The following LAMA3 variants were observed in gnomAD, a reference collection of about 807,000 sequenced individuals.
LAMA3 encodes laminin subunit alpha-3.
LAMA3 carries 281 observed loss-of-function variants against 402.0 expected under a neutral mutation model. The observed-to-expected ratio is 0.70, with a 90% CI of 0.63 to 0.77. LAMA3 has a LOEUF of 0.77. Ranked by LOEUF, LAMA3 falls within the 30% of genes least tolerant of loss-of-function variation. The pLI is 0.00. For missense variants in LAMA3, 3,840 were observed against 4,215.5 expected (o/e 0.91, Z 2.47); for synonymous variants, 1,431 against 1,558.4 (o/e 0.92, Z 1.93).
chr18:23,880,501 C>A (rs1266894990), intron 39 of LAMA3, among the ~76,000 whole-genome samples: 2 of 152,182 alleles, frequency 1.3e-5, no homozygotes, highest in African/African-American at 2.4e-5. Context: ...GAAGGGCAAC[C>A]TTTTTCATTA....
intron 66 of LAMA3, among the ~76,000 whole-genome samples, chr18:23,932,856 A>C (rs2082204977): frequency 6.6e-6 from 1 of 152,210 alleles, no homozygotes; most frequent in South Asian, 2.1e-4. Context: ...TGGAATTCTC[A>C]GGCTACCATG....
chr18:23,902,133 G>C (rs146731808), intron 48 of LAMA3, among the ~76,000 whole-genome samples: 41 of 152,262 alleles, frequency 2.7e-4, no homozygotes, highest in South Asian at 1.0e-3. Context: ...GACCAGCCTC[G>C]GCAATGTAGT....
Position 23,876,267 on chromosome 18 carries a change from T to C in LAMA3, c.4999-27T>C, listed in dbSNP as rs372578526. 24 of 1,443,756 alleles carry C rather than the reference T, an allele frequency of 1.7e-5. No individual in the cohort carries two copies. The African/African-American group carries it at 2.7e-4, about 16-fold the overall frequency. The allele number at this position is 1,443,756 out of a possible 1,614,324, so 89.4% of individuals were successfully genotyped here. On this transcript the variant is annotated intron_variant, in intron 38 of 74. Transcript: ENST00000313654. ...TAGTAATTGTTTTCTTTCTTTGTAT[T>C]GATTAAACACTTTGTTTGAAAAATA...
chr18:23,820,230 G>A (rs2063258865), intron 19 of LAMA3, among the ~76,000 whole-genome samples: 1 of 152,110 alleles, frequency 6.6e-6, no homozygotes, highest in East Asian at 1.9e-4. Context: ...ACTTTAATTT[G>A]ATTACCAAAT....
At chr18:23,781,894 C>G (rs2062445228) in intron 11 of LAMA3, among the ~76,000 whole-genome samples, 1 of 152,220 alleles carries the variant, frequency 6.6e-6, no homozygotes, top group Non-Finnish European at 1.5e-5. Flanking sequence ...TAAATCCCTT[C>G]ACTTCCAATG....
intron 32 of LAMA3, among the ~76,000 whole-genome samples, chr18:23,853,985 A>T (rs1351292040): frequency 6.6e-6 from 1 of 152,234 alleles, no homozygotes; most frequent in Non-Finnish European, 1.5e-5. Flanking sequence ...TAAACATTGC[A>T]GTACTCAAGA....
intron 1 of LAMA3, among the ~76,000 whole-genome samples, chr18:23,692,460 C>T (rs953678637): frequency 4.6e-5 from 7 of 152,018 alleles, no homozygotes; most frequent in South Asian, 4.2e-4. Context: ...TTAGTAGAGA[C>T]GGGGTTTCAC....
Position 23,764,861 on chromosome 18 carries a change from T to C in LAMA3, c.1182+1338T>C, listed in dbSNP as rs541925601. Reference sequence around the variant, plus strand: ...AAAGAGTTCTGCTTCTTTTATGGTTTAGTGGCTGCTGCAGGACTGAACCCT... The same window carrying C: ...AAAGAGTTCTGCTTCTTTTATGGTTCAGTGGCTGCTGCAGGACTGAACCCT... On this transcript the variant is annotated intron_variant, in intron 8 of 74. Transcript: ENST00000313654. 2.6e-5 allele frequency among the ~76,000 whole-genome samples: 4 copies of C among 152,344 alleles called. No individual in the cohort carries two copies. The East Asian group carries it at 5.8e-4, about 22-fold the overall frequency.
At chr18:23,930,062 C>A (rs1295727043) in intron 64 of LAMA3, among the ~76,000 whole-genome samples, 1 of 152,132 alleles carries the variant, frequency 6.6e-6, no homozygotes, top group Admixed American at 6.5e-5. Context: ...AAAGTAAAAT[C>A]AACAATGGCT....
At chr18:23,808,029 C>G (rs2062996940) in intron 12 of LAMA3, among the ~76,000 whole-genome samples, 1 of 152,158 alleles carries the variant, frequency 6.6e-6, no homozygotes, top group Non-Finnish European at 1.5e-5. Context: ...GCTAGGGGAG[C>G]ATTAGACACG....
chr18:23,858,558 A>T (rs1047615252), intron 33 of LAMA3, 131 bp from the exon 34 acceptor site: 5 of 831,158 alleles, frequency 6.0e-6, no homozygotes, highest in African/African-American at 1.7e-5. Flanking sequence ...AATAATTAAC[A>T]TCTCTTTTAA....
chr18:23,921,749 C>T (rs2081848399), intron 62 of LAMA3, among the ~76,000 whole-genome samples, 164 bp downstream of exon 62: 1 of 152,128 alleles, frequency 6.6e-6, no homozygotes, highest in East Asian at 1.9e-4. Context: ...AGATTTAAAT[C>T]CCGAATAATG....
At chr18:23,706,137 G>T (rs1291501169) in intron 1 of LAMA3, among the ~76,000 whole-genome samples, 3 of 151,894 alleles carry the variant, frequency 2.0e-5, no homozygotes, top group Non-Finnish European at 4.4e-5. Context: ...CATCCATATT[G>T]TTTCATTGTA....
chr18:23,710,302 G>C (rs981713765), intron 1 of LAMA3: 1 of 489,450 alleles, frequency 2.0e-6, no homozygotes, highest in African/African-American at 2.0e-5. Flanking sequence ...TGAAAAGACC[G>C]CAAGTTTGAT....
rs1320079383 is a variant in LAMA3 at position 23,819,922 on chromosome 18, C to T, written c.2229C>T (p.Asp743=). 1.9e-6 allele frequency: 3 copies of T among 1,613,942 alleles called. No individual in the cohort carries two copies. Among genetic ancestry groups the T allele is most frequent in the Non-Finnish European group, 2.5e-6 (3 of 1,179,984 alleles). The stretch of plus-strand genomic sequence containing the variant: ...ACGGCAGCACACCTAATGGGAGAGA[C>T]CTTCGATTTGGATTTGATCCGCTGG... ...IEDGSTPNGR[D]LRFGFDPLAF... Residue 743 remains aspartate (D), a synonymous_variant, in exon 19 of 75, where the codon GAC becomes GAT. Transcript: ENST00000313654.
chr18:23,909,375 C>G, intron 55 of LAMA3, 80 bp downstream of exon 55: 1 of 1,297,080 alleles, frequency 7.7e-7, no homozygotes, highest in South Asian at 1.2e-5. Context: ...GAAAAAAACA[C>G]TTATTTACTC....
chr18:23,752,800 G>A (rs1050711816), intron 5 of LAMA3, among the ~76,000 whole-genome samples: 7 of 152,142 alleles, frequency 4.6e-5, no homozygotes, highest in Non-Finnish European at 1.0e-4. Flanking sequence ...GCTCTTTAAG[G>A]CAGCCACACT....
At chr18:23,852,112 G>C (rs1454679108) in intron 32 of LAMA3, among the ~76,000 whole-genome samples, 6 of 152,164 alleles carry the variant, frequency 3.9e-5, no homozygotes, top group Non-Finnish European at 1.5e-5. Flanking sequence ...TTCCATGGCT[G>C]TCTACAGCCT....
chr18:23,912,343 C>A (rs994723276), intron 55 of LAMA3, among the ~76,000 whole-genome samples: 4 of 151,896 alleles, frequency 2.6e-5, no homozygotes, highest in Admixed American at 2.0e-4. Flanking sequence ...GTATGCCAGG[C>A]ACCATGCCAA....
Sources: gnomAD v4.1 joint callset for allele counts (sites outside exome capture counted in the v4.1 genomes callset) on GRCh38, gnomAD v4.1.1 for gene constraint, MANE v1.5 for transcripts, NCBI Gene and HGNC (gene_info 2026-07-23, HGNC 2026-07-21) for gene names.